KIF22: variants seen among roughly 807,000 people sequenced by gnomAD.
KIF22 encodes kinesin-like protein KIF22.
Under a neutral mutation model 73.0 loss-of-function variants are expected in KIF22, and 62 were observed. That is an observed-to-expected ratio of 0.85 (90% CI 0.69 to 1.05). The LOEUF is 1.05. KIF22 is among the 50% of genes least tolerant of loss of function. The pLI is 0.00. For synonymous variants in KIF22, 411 were observed against 340.1 expected, an observed-to-expected ratio of 1.21 and a Z score of -2.29; for missense variants, 854 against 870.1, an observed-to-expected ratio of 0.98 and a Z score of 0.23.
rs1899025026 is a variant in KIF22 at position 29,798,792 on chromosome 16, G to A, written c.549+45G>A. 1 of 1,598,738 alleles carries A rather than the reference G, an allele frequency of 6.3e-7. No homozygotes were observed. Among genetic ancestry groups the A allele is most frequent in the Non-Finnish European group, 8.5e-7 (1 of 1,172,104 alleles). On this transcript the variant is annotated intron_variant, in intron 4 of 13. Transcript: ENST00000160827. This position sits in a 1 kb window ranked among gnomAD's most constrained non-coding sequence, Gnocchi z 4.1. ...GGGAGAGGAGCAACAAAGGGTCAAA[G>A]TAAGACCTGGTTCTAGAACATGAAG...
Position 29,799,120 on chromosome 16 carries a change from G to A in KIF22, c.695G>A (p.Arg232Gln), listed in dbSNP as rs201659270. 4 of 1,613,950 alleles carry A rather than the reference G, an allele frequency of 2.5e-6. No homozygotes were observed. Among genetic ancestry groups the A allele is most frequent in the African/African-American group, 1.3e-5 (1 of 74,930 alleles). ...ERHFLPASRN[R>Q]TVGATRLNQR... The stretch of plus-strand genomic sequence containing the variant: ...CACTTCCTGCCAGCCAGTCGAAATC[G>A]GACTGTAGGAGCCACCCGGCTCAAC... The change falls in exon 5 of 14, where the codon CGG becomes CAG. Residue 232 changes from arginine to glutamine, a missense_variant. This residue lies in a region of KIF22 where 245 missense variants were observed against 351.8 expected (regional missense o/e 0.70). Coordinates refer to ENST00000160827, the MANE Select transcript of KIF22 (RefSeq NM_007317.3).
Position 29,798,776 on chromosome 16 carries a change from G to A in KIF22, c.549+29G>A. 2 of 1,607,266 alleles carry A rather than the reference G, an allele frequency of 1.2e-6. No individual in the cohort carries two copies. The highest frequency in any genetic ancestry group is 8.5e-7 in the Non-Finnish European group (1 of 1,176,504). On this transcript the variant is annotated intron_variant, in intron 4 of 13. Transcript: ENST00000160827. The surrounding 1 kb of genome is among the most constrained non-coding windows in gnomAD (Gnocchi z 4.1). ...AGGCCCCGTGCTGGTTGGGAGAGGA[G>A]CAACAAAGGGTCAAAGTAAGACCTG... is the stretch of plus-strand genomic sequence containing the variant.
At chr16:29,804,642 CATA>C (rs2142381907) in intron 11 of KIF22, 169 bp from the exon 12 acceptor site, 4 of 702,852 alleles carry the variant, frequency 5.7e-6, no homozygotes, top group East Asian at 2.7e-5. Flanking sequence ...TCACTAGTTG[CATA>C]ATAAGAATTA....
intron 1 of KIF22, among the ~76,000 whole-genome samples, chr16:29,795,643 T>C (rs1440441357): frequency 2.0e-5 from 3 of 152,214 alleles, no homozygotes; most frequent in African/African-American, 7.2e-5. Context: ...TCCTCCAACG[T>C]AAAATAGAGT....
chr16:29,798,291 AC>A lies in KIF22; in HGVS notation c.267-78del. On this transcript the variant is annotated intron_variant, in intron 2 of 13. Transcript: ENST00000160827. The surrounding 1 kb of genome is among the most constrained non-coding windows in gnomAD (Gnocchi z 4.1). Reference sequence around the variant, plus strand: ...CAGATGAGAGTAGAATCCCTTACCCACCCCCACCCCACTCCACCCCTTACAC... The same window carrying A: ...CAGATGAGAGTAGAATCCCTTACCCACCCCACCCCACTCCACCCCTTACAC... The A allele has an allele frequency of 1.4e-6, 1 of 691,972 alleles. No homozygotes were observed. Among genetic ancestry groups the A allele is most frequent in the East Asian group, 5.3e-5 (1 of 18,884 alleles). The allele number at this position is 691,972 out of a possible 1,614,324, so 42.9% of individuals were successfully genotyped here. A position where few individuals can be genotyped will look rare whatever the true frequency, so the allele number is the denominator to read the frequency against.
chr16:29,800,074 C>T (rs1899086003), intron 8 of KIF22, 26 bp downstream of exon 8: 2 of 1,594,124 alleles, frequency 1.3e-6, no homozygotes, highest in African/African-American at 2.7e-5. Flanking sequence ...TTGGGTGTAT[C>T]CCCTTCCTGA....
In KIF22 at chr16:29,799,898, C is replaced by T. The variant is rs747157633; in HGVS notation, c.1145-15C>T. 6.2e-7 allele frequency: 1 copy of T among 1,613,606 alleles called. No individual in the cohort carries two copies. Among genetic ancestry groups the T allele is most frequent in the Admixed American group, 1.7e-5 (1 of 59,970 alleles). The stretch of plus-strand genomic sequence containing the variant: ...CCCCCAATCCCTCTCTCCACCCCAT[C>T]CTCCAATCATCTAGCCTTGGGACCT... On this transcript the variant is annotated splice_polypyrimidine_tract_variant and intron_variant, in intron 7 of 13. Transcript: ENST00000160827.
chr16:29,791,157 C>T, intron 1 of KIF22: 2 of 1,239,080 alleles, frequency 1.6e-6, no homozygotes, highest in Non-Finnish European at 2.0e-6. Flanking sequence ...CTGGAGATCA[C>T]CTGAATAAGC....
chr16:29,800,168 C>T, intron 8 of KIF22, 120 bp downstream of exon 8: 1 of 1,249,598 alleles, frequency 8.0e-7, no homozygotes, highest in Non-Finnish European at 1.1e-6. Context: ...ATTAAATTCA[C>T]CCTAGGCCGG....
rs145638867 is a variant in KIF22, at chr16:29,799,767, G to T, written c.1130G>T (p.Ser377Ile). The T allele has an allele frequency of 5.0e-6, 8 of 1,613,438 alleles. No individual in the cohort carries two copies. In the African/African-American group the frequency reaches 5.3e-5, roughly 11 times the overall value. ...ATCAATCGGCCTTTTACCAATGAGA[G>T]CCTGCAGCCTCATGGTGAGAACTGG... ...EVINRPFTNE[S>I]LQPHALGPVK... Residue 377 changes from serine to isoleucine, a missense_variant, in exon 7 of 14, where the codon AGC (serine) becomes ATC (isoleucine). Coordinates refer to ENST00000160827, the MANE Select transcript of KIF22 (RefSeq NM_007317.3).
Position 29,798,847 on chromosome 16 carries a change from C to A in KIF22, c.549+100C>A. On this transcript the variant is annotated intron_variant, in intron 4 of 13. Transcript: ENST00000160827. The surrounding 1 kb of genome is among the most constrained non-coding windows in gnomAD (Gnocchi z 4.1). ...GCTGTAGCAGGGAGGTAAGGTGAGA[C>A]CTAGAAAGACAGAGACTGGGGTAGC... 6.5e-7 allele frequency: 1 copy of A among 1,546,264 alleles called. No individual in the cohort carries two copies.
rs79560535 is a variant in KIF22 at position 29,791,915 on chromosome 16, T to C, written c.70+1086T>C. Among the ~76,000 whole-genome samples the C allele has an allele frequency of 2.6e-3, 399 of 152,300 alleles. 13 individuals carry two copies. In the East Asian group the frequency reaches 0.063, roughly 24 times the overall value. On this transcript the variant is annotated intron_variant, in intron 1 of 13. Coordinates refer to ENST00000160827, the MANE Select transcript of KIF22 (RefSeq NM_007317.3). Reference sequence around the variant, plus strand: ...CATGGTAGATATGAAAATGCCTGAATGAATAATGTCCCTTCCTCGAGGAAT... The same window carrying C: ...CATGGTAGATATGAAAATGCCTGAACGAATAATGTCCCTTCCTCGAGGAAT...
chr16:29,798,859 G>C lies in KIF22; in HGVS notation c.549+112G>C. 2 of 1,535,532 alleles carry C rather than the reference G, an allele frequency of 1.3e-6. No homozygotes were observed. The highest frequency in any genetic ancestry group is 8.9e-7 in the Non-Finnish European group (1 of 1,120,298). On this transcript the variant is annotated intron_variant, in intron 4 of 13. Coordinates refer to ENST00000160827, the MANE Select transcript of KIF22 (RefSeq NM_007317.3). This position sits in a 1 kb window ranked among gnomAD's most constrained non-coding sequence, Gnocchi z 4.1. Reference sequence around the variant, plus strand: ...AGGTAAGGTGAGACCTAGAAAGACAGAGACTGGGGTAGCAGATGGTACAAC... The same window carrying C: ...AGGTAAGGTGAGACCTAGAAAGACACAGACTGGGGTAGCAGATGGTACAAC...
At chr16:29,800,797 C>G (rs1899112647) in intron 8 of KIF22, among the ~76,000 whole-genome samples, 1 of 152,108 alleles carries the variant, frequency 6.6e-6, no homozygotes, top group Non-Finnish European at 1.5e-5. Context: ...ATAAATTCCC[C>G]CCAAATTCTA....
chr16:29,804,611 G>C (rs1284868955), intron 11 of KIF22: 1 of 696,794 alleles, frequency 1.4e-6, no homozygotes, highest in Non-Finnish European at 2.6e-6. Flanking sequence ...TTACCACTGG[G>C]TACTGAGTAG....
intron 8 of KIF22, 23 bp from the exon 9 acceptor site, chr16:29,802,746 G>T: frequency 6.5e-7 from 1 of 1,533,454 alleles, no homozygotes; most frequent in South Asian, 1.3e-5. Context: ...GGTAGGTGGG[G>T]AGCAACTTCT....
chr16:29,799,076 C>T lies in KIF22; in HGVS notation c.651C>T (p.Ser217=). 2.5e-6 allele frequency: 4 copies of T among 1,614,170 alleles called. No homozygotes were observed. The highest frequency in any genetic ancestry group is 3.4e-6 in the Non-Finnish European group (4 of 1,180,026). ...GTCTCTCCCAGAAGCCCATCAGTAG[C>T]TTTGCTGATTTTGAGCGGCACTTCC... The part of the protein sequence containing the change: ...IPGLSQKPIS[S]FADFERHFLP... The change falls in exon 5 of 14, where the codon AGC becomes AGT. Residue 217 remains serine (S), a synonymous_variant. Transcript: ENST00000160827.
At chr16:29,795,788 C>CA (rs369813545) in intron 1 of KIF22, among the ~76,000 whole-genome samples, 15 of 151,554 alleles carry the variant, frequency 9.9e-5, no homozygotes, top group Admixed American at 3.9e-4. Flanking sequence ...CAAAACAAAA[C>CA]AAAAAAAACT....
At chr16:29,793,659 G>A (rs534615785) in intron 1 of KIF22, among the ~76,000 whole-genome samples, 2 of 152,146 alleles carry the variant, frequency 1.3e-5, no homozygotes, top group Middle Eastern at 3.4e-3. Context: ...CAACTTGAGG[G>A]TGAGGGTGGA....
Sources: gnomAD v4.1 joint callset for allele counts (sites outside exome capture counted in the v4.1 genomes callset) on GRCh38, gnomAD v4.1.1 for gene constraint, gnomAD v4.1.1 regional missense constraint, Gnocchi (gnomAD v3.1) non-coding constraint, MANE v1.5 for transcripts, NCBI Gene and HGNC (gene_info 2026-07-23, HGNC 2026-07-21) for gene names.